Variants in PPP6R3 observed in about 807,000 individuals in gnomAD.
The protein encoded by PPP6R3 is protein phosphatase 6 regulatory subunit 3.
A neutral mutation model predicts 110.7 loss-of-function variants in PPP6R3; 38 were observed. That is an observed-to-expected ratio of 0.34 (90% CI 0.26 to 0.45). The LOEUF (loss-of-function observed/expected upper bound fraction) is 0.45, where lower values mean the gene tolerates loss of function less well. Among genes scored for constraint, PPP6R3 ranks in the 20% least tolerant of loss-of-function variants. PPP6R3 has a pLI of 1.00. For synonymous variants in PPP6R3, 369 were observed against 373.5 expected (o/e 0.99, Z 0.14); for missense variants, 870 against 1,062.4 (o/e 0.82, Z 2.52).
intron 1 of PPP6R3, among the ~76,000 whole-genome samples, chr11:68,465,104 T>C (rs908634455): frequency 1.4e-4 from 21 of 152,040 alleles, no homozygotes; most frequent in African/African-American, 5.1e-4. Flanking sequence ...CTGGTCCCGA[T>C]CTCCTGACCT....
rs1394715497 is a variant in PPP6R3 at position 68,537,851 on chromosome 11, G to A, written c.187G>A (p.Glu63Lys). ...CLEDLVSFII[E>K]EPPQDMDEKI... Reference sequence around the variant, plus strand: ...CGAAGATTTAGTCTCATTCATTATAGAAGAACCACCTCAAGACATGGATGA... The same window carrying A: ...CGAAGATTTAGTCTCATTCATTATAAAAGAACCACCTCAAGACATGGATGA... The change falls in exon 3 of 24, where the codon GAA (glutamate) becomes AAA (lysine). Residue 63 changes from glutamate to lysine, a missense_variant. By Grantham distance (56) the Glu-to-Lys change is moderately conservative. Coordinates refer to ENST00000393800, the MANE Select transcript of PPP6R3 (RefSeq NM_001164161.2). 6.2e-7 allele frequency: 1 copy of A among 1,613,646 alleles called. No homozygotes were observed. The highest frequency in any genetic ancestry group is 1.7e-5 in the Admixed American group (1 of 60,020).
chr11:68,571,324 C>A, intron 12 of PPP6R3: 1 of 549,298 alleles, frequency 1.8e-6, no homozygotes, highest in Non-Finnish European at 2.9e-6. Context: ...CAAGTGAGTT[C>A]GGAGTGTTCC....
At chr11:68,550,722 T>C (rs1228783307) in intron 5 of PPP6R3, among the ~76,000 whole-genome samples, 2 of 152,202 alleles carry the variant, frequency 1.3e-5, no homozygotes, top group African/African-American at 2.4e-5. Flanking sequence ...ATTGCTCTTC[T>C]CAATCTTTCT....
chr11:68,560,314 C>G (rs1434704332), intron 8 of PPP6R3, among the ~76,000 whole-genome samples: 1 of 152,032 alleles, frequency 6.6e-6, no homozygotes, highest in Admixed American at 6.6e-5. Context: ...ACTTCCATCC[C>G]AATTAGGAAA....
In PPP6R3 at chr11:68,609,977, G is replaced by T; in HGVS notation, c.2524G>T (p.Ala842Ser). 1.2e-6 allele frequency: 2 copies of T among 1,614,126 alleles called. No individual in the cohort carries two copies. The highest frequency in any genetic ancestry group is 1.7e-6 in the Non-Finnish European group (2 of 1,180,030). ...AGAGGAGTGTCCCGAGACTGCAGAG[G>T]CGAAGTGCGCGGCGCCCAGGCCTCC... ...DAEECPETAE[A>S]KCAAPRPPSS... is the part of the protein sequence containing the mutation. The change falls in exon 23 of 24, where the codon GCG becomes TCG. Residue 842 changes from alanine to serine, a missense_variant. Coordinates refer to ENST00000393800, the MANE Select transcript of PPP6R3 (RefSeq NM_001164161.2).
At position 68,486,908 on chromosome 11, in the gene PPP6R3, C is replaced by T. The variant is rs1304031262; in HGVS notation, c.-158+26081C>T. Reference sequence around the variant, plus strand: ...TAATATTTCCTTATTCTTCTAATGCCCATGGTATCTGTAGTAATGTCATTT... The same window carrying T: ...TAATATTTCCTTATTCTTCTAATGCTCATGGTATCTGTAGTAATGTCATTT... On this transcript the variant is annotated intron_variant, in intron 1 of 23. Transcript: ENST00000393800. Among the ~76,000 whole-genome samples, 7 of 152,050 alleles carry T rather than the reference C, an allele frequency of 4.6e-5. No individual in the cohort carries two copies. The East Asian group carries it at 9.7e-4, about 21-fold the overall frequency.
At chr11:68,489,289 T>C (rs1268255697) in intron 1 of PPP6R3, among the ~76,000 whole-genome samples, 1 of 152,194 alleles carries the variant, frequency 6.6e-6, no homozygotes, top group South Asian at 2.1e-4. Context: ...AAATATTTTT[T>C]TGTTTGTGCT....
At chr11:68,563,955 G>A (rs1440935231) in intron 8 of PPP6R3, among the ~76,000 whole-genome samples, 1 of 152,182 alleles carries the variant, frequency 6.6e-6, no homozygotes, top group Non-Finnish European at 1.5e-5. Flanking sequence ...CAGGCAATTT[G>A]GGGTGCCCTA....
In PPP6R3 at chr11:68,569,850, A is replaced by G. The variant is rs781258774; in HGVS notation, c.1231A>G (p.Thr411Ala). The change falls in exon 11 of 24, where the codon ACA becomes GCA. Residue 411 changes from threonine to alanine, a missense_variant. By Grantham distance (58) the Thr-to-Ala change is moderately conservative. Transcript: ENST00000393800. ...ASPFENTENATITDQDSTGDN... is the reference protein window; with the variant it reads ...ASPFENTENAAITDQDSTGDN... ...TCCTTTTGAAAACACAGAAAATGCC[A>G]CAATTACCGATCAAGACTCCACTGG... The G allele has an allele frequency of 6.2e-7, 1 of 1,612,688 alleles. No homozygotes were observed. Among genetic ancestry groups the G allele is most frequent in the Non-Finnish European group, 8.5e-7 (1 of 1,179,062 alleles).
intron 11 of PPP6R3, 137 bp from the exon 12 acceptor site, chr11:68,570,903 C>A: frequency 9.5e-7 from 1 of 1,057,260 alleles, no homozygotes; most frequent in Non-Finnish European, 1.3e-6. Context: ...GATTGATGAT[C>A]ACATTGCATT....
Position 68,540,783 on chromosome 11 carries a change from A to G in PPP6R3, c.227+2892A>G, listed in dbSNP as rs527489236. Among the ~76,000 whole-genome samples, 15 of 152,308 alleles carry G rather than the reference A, an allele frequency of 9.8e-5. No individual in the cohort carries two copies. In the South Asian group the frequency reaches 3.1e-3, roughly 32 times the overall value. ...AAAAGAATTGAGCGATATTTCTCCC[A>G]TTTGCTTTTGAAAGAAGAGAAATAT... On this transcript the variant is annotated intron_variant, in intron 3 of 23. Coordinates refer to ENST00000393800, the MANE Select transcript of PPP6R3 (RefSeq NM_001164161.2).
chr11:68,489,714 T>A (rs2098971973), intron 1 of PPP6R3, among the ~76,000 whole-genome samples: 1 of 152,152 alleles, frequency 6.6e-6, no homozygotes, highest in South Asian at 2.1e-4. Flanking sequence ...CTGTGCTTTT[T>A]TTTTTTTAAG....
intron 2 of PPP6R3, among the ~76,000 whole-genome samples, chr11:68,521,730 T>G (rs1366327434): frequency 6.6e-6 from 1 of 152,232 alleles, no homozygotes; most frequent in Admixed American, 6.5e-5. Context: ...TATGAAGGTA[T>G]TTATATACCA....
intron 1 of PPP6R3, among the ~76,000 whole-genome samples, chr11:68,487,114 G>A (rs2098952601): frequency 6.6e-6 from 1 of 151,984 alleles, no homozygotes; most frequent in Non-Finnish European, 1.5e-5. Context: ...TGCTTACTTT[G>A]GAATTAATTT....
chr11:68,497,679 A>G (rs2099025878), intron 1 of PPP6R3, among the ~76,000 whole-genome samples: 1 of 152,216 alleles, frequency 6.6e-6, no homozygotes, highest in South Asian at 2.1e-4. Flanking sequence ...TTTATCAGAA[A>G]TATGATTTGT....
Position 68,554,240 on chromosome 11 carries a change from G to C in PPP6R3, c.714G>C (p.Leu238=). The change falls in exon 7 of 24, where the codon CTG becomes CTC. Residue 238 remains leucine (L), a synonymous_variant. Transcript: ENST00000393800. ...AGAACAGTACAGAGCCCGACCCCCT[G>C]CTTGCCACTCTAGAAAAGTATGTGT... ...QIQNSTEPDP[L]LATLEKQEII... 2 of 1,611,354 alleles carry C rather than the reference G, an allele frequency of 1.2e-6. No homozygotes were observed. Among genetic ancestry groups the C allele is most frequent in the Non-Finnish European group, 1.7e-6 (2 of 1,178,214 alleles).
intron 1 of PPP6R3, among the ~76,000 whole-genome samples, chr11:68,516,141 A>C (rs1565544101): frequency 6.6e-6 from 1 of 152,292 alleles, no homozygotes; most frequent in African/African-American, 2.4e-5. Flanking sequence ...TGGTTCATCT[A>C]CATTGTAGCG....
At chr11:68,466,180 GT>G (rs1338217891) in intron 1 of PPP6R3, among the ~76,000 whole-genome samples, 1 of 152,194 alleles carries the variant, frequency 6.6e-6, no homozygotes, top group African/African-American at 2.4e-5. Flanking sequence ...TGGAGATTTT[GT>G]TTTGGCCTTT....
At chr11:68,602,680 G>A (rs542878561) in intron 21 of PPP6R3, among the ~76,000 whole-genome samples, 41 of 152,264 alleles carry the variant, frequency 2.7e-4, no homozygotes, top group Admixed American at 2.6e-3. Flanking sequence ...ACTAATGCTG[G>A]TTTCATCATC....
Sources: allele counts gnomAD v4.1 joint callset (sites outside exome capture counted in the v4.1 genomes callset), GRCh38; gene constraint gnomAD v4.1.1; transcripts MANE v1.5; gene names NCBI Gene and HGNC (gene_info 2026-07-23, HGNC 2026-07-21).